The following DIP2B variants were observed in gnomAD, a reference collection of about 807,000 sequenced individuals.
The protein encoded by DIP2B is disco-interacting protein 2 homolog B.
Under a neutral mutation model 198.0 loss-of-function variants are expected in DIP2B, and 76 were observed. The observed-to-expected ratio is 0.38, with a 90% CI of 0.32 to 0.46. The LOEUF (loss-of-function observed/expected upper bound fraction) is 0.46, where lower values mean the gene tolerates loss of function less well. Among genes scored for constraint, DIP2B ranks in the 20% least tolerant of loss-of-function variants. DIP2B has a pLI of 0.99. For synonymous variants in DIP2B, 701 were observed against 739.1 expected (o/e 0.95, Z 0.84); for missense variants, 1,559 against 1,978.4 (o/e 0.79, Z 4.02).
At position 50,697,172 on chromosome 12, in the gene DIP2B, G is replaced by A. The variant is rs773387682; in HGVS notation, c.2045G>A (p.Arg682His). 8.1e-6 allele frequency: 13 copies of A among 1,613,630 alleles called. No homozygotes were observed. Among genetic ancestry groups the A allele is most frequent in the South Asian group, 3.3e-5 (3 of 91,048 alleles). Residue 682 changes from arginine (R) to histidine (H), a missense_variant, in exon 17 of 38, where the codon CGC (arginine) becomes CAC (histidine). Physicochemically the swap from Arg to His is conservative, Grantham distance 29 (BLOSUM62 0). Transcript: ENST00000301180. ...GCTGAAGCCATGACTGTAGCAATCC[G>A]CAGGTACTGTTCAGGATGTCAGATG... Reference protein sequence around the residue: ...TSAEAMTVAIRRPGVPGAPLP... With the variant: ...TSAEAMTVAIHRPGVPGAPLP...
At chr12:50,512,192 C>T (rs1958024011) in intron 1 of DIP2B, among the ~76,000 whole-genome samples, 3 of 150,644 alleles carry the variant, frequency 2.0e-5, no homozygotes, top group Admixed American at 2.0e-4. Context: ...CTGCAACCTC[C>T]ACCTCCTGGG....
intron 3 of DIP2B, among the ~76,000 whole-genome samples, chr12:50,650,225 C>T (rs983066902): frequency 2.0e-5 from 3 of 150,918 alleles, no homozygotes; most frequent in Admixed American, 2.0e-4. Context: ...AAAAAAAGTG[C>T]CAAATGAAAA....
At chr12:50,527,367 C>T (rs1354316525) in intron 1 of DIP2B, among the ~76,000 whole-genome samples, 1 of 152,170 alleles carries the variant, frequency 6.6e-6, no homozygotes, top group African/African-American at 2.4e-5. Context: ...CTACCTATAT[C>T]TAAGGTACTG....
chr12:50,603,060 A>T (rs1382932762), intron 1 of DIP2B, among the ~76,000 whole-genome samples: 1 of 150,992 alleles, frequency 6.6e-6, no homozygotes, highest in Non-Finnish European at 1.5e-5. Context: ...GCTACTCGGG[A>T]GGCTGAGGCA....
chr12:50,702,510 C>T (rs906234653), intron 19 of DIP2B, among the ~76,000 whole-genome samples: 1 of 151,730 alleles, frequency 6.6e-6, no homozygotes, highest in Non-Finnish European at 1.5e-5. Context: ...TGCAGTGAGT[C>T]GAGATTGTGC....
In DIP2B at chr12:50,685,862, G is replaced by C; in HGVS notation, c.1347G>C (p.Leu449Phe). 1 of 1,613,758 alleles carries C rather than the reference G, an allele frequency of 6.2e-7. No individual in the cohort carries two copies. The part of the protein sequence containing the change: ...KDAGGQQIGF[L>F]LGSCGIALAL... ...CTGGAGGTCAGCAGATTGGCTTCTTGCTAGGAAGCTGTGGTATTGCCTTAG... is the reference window on the plus strand; with the variant it reads ...CTGGAGGTCAGCAGATTGGCTTCTTCCTAGGAAGCTGTGGTATTGCCTTAG... Residue 449 changes from leucine to phenylalanine, a missense_variant, in exon 11 of 38, where the codon TTG (leucine) becomes TTC (phenylalanine). Leu to Phe is a conservative substitution (Grantham distance 22). Coordinates refer to ENST00000301180, the MANE Select transcript of DIP2B (RefSeq NM_173602.3).
At chr12:50,662,219 G>T (rs1213179659) in intron 4 of DIP2B, among the ~76,000 whole-genome samples, 1 of 152,138 alleles carries the variant, frequency 6.6e-6, no homozygotes, top group Non-Finnish European at 1.5e-5. Flanking sequence ...GTAATAAAAA[G>T]GTTCTGTACC....
At chr12:50,730,374 C>T (rs372383910) in intron 30 of DIP2B, among the ~76,000 whole-genome samples, 1 of 109,330 alleles carries the variant, frequency 9.1e-6, no homozygotes, top group Non-Finnish European at 2.3e-5. Context: ...CTTTCTTTCT[C>T]TCTCTCTCTT....
intron 1 of DIP2B, among the ~76,000 whole-genome samples, chr12:50,558,622 C>A (rs993371352): frequency 6.6e-6 from 1 of 152,182 alleles, no homozygotes; most frequent in African/African-American, 2.4e-5. Context: ...GAATGAATAT[C>A]TCTAATAGCC....
At chr12:50,683,670 C>G (rs2076180857) in intron 10 of DIP2B, among the ~76,000 whole-genome samples, 2 of 152,232 alleles carry the variant, frequency 1.3e-5, no homozygotes, top group South Asian at 4.1e-4. Context: ...GTGGTCCCAG[C>G]TACTCGGGAG....
At chr12:50,592,128 C>G (rs987003761) in intron 1 of DIP2B, among the ~76,000 whole-genome samples, 19 of 152,114 alleles carry the variant, frequency 1.2e-4, no homozygotes, top group African/African-American at 2.4e-4. Flanking sequence ...ATGCATCTGC[C>G]TTGGCCTCCC....
intron 1 of DIP2B, among the ~76,000 whole-genome samples, chr12:50,558,259 T>C (rs1958488299): frequency 6.6e-6 from 1 of 151,838 alleles, no homozygotes; most frequent in South Asian, 2.1e-4. Context: ...GTTCAGAAAC[T>C]TTTTAGATAT....
intron 1 of DIP2B, among the ~76,000 whole-genome samples, chr12:50,551,329 A>G (rs1958425293): frequency 6.6e-6 from 1 of 152,050 alleles, no homozygotes. Flanking sequence ...GGGCTGAGGC[A>G]GGAGGATCGC....
intron 23 of DIP2B, among the ~76,000 whole-genome samples, chr12:50,716,866 G>A (rs574420017): frequency 2.0e-4 from 29 of 148,704 alleles, no homozygotes; most frequent in South Asian, 1.1e-3. Flanking sequence ...GGGCTCCCCC[G>A]TTTATTTTGA....
intron 35 of DIP2B, among the ~76,000 whole-genome samples, 167 bp from the exon 36 acceptor site, chr12:50,739,242 G>A (rs1187489215): frequency 6.6e-6 from 1 of 152,232 alleles, no homozygotes; most frequent in African/African-American, 2.4e-5. Context: ...GATGGATGGA[G>A]ATTAGGTACA....
At chr12:50,735,012 A>C (rs374537702) in intron 33 of DIP2B, 61 bp from the exon 34 acceptor site, 627 of 1,596,440 alleles carry the variant, frequency 3.9e-4, no homozygotes, top group Non-Finnish European at 5.2e-4. Context: ...ACCGAGCTGC[A>C]GGAACATGGC....
intron 1 of DIP2B, among the ~76,000 whole-genome samples, chr12:50,529,517 G>C (rs1024946113): frequency 2.0e-5 from 3 of 152,162 alleles, no homozygotes; most frequent in African/African-American, 7.2e-5. Context: ...GAACTGTGAT[G>C]ATTTAGTCAC....
intron 1 of DIP2B, among the ~76,000 whole-genome samples, chr12:50,600,249 A>G (rs1476606350): frequency 6.6e-6 from 1 of 152,224 alleles, no homozygotes; most frequent in African/African-American, 2.4e-5. Context: ...CTCAAGTGAT[A>G]TCCAAAACCA....
intron 25 of DIP2B, among the ~76,000 whole-genome samples, chr12:50,720,150 G>A (rs560431882): frequency 3.3e-5 from 5 of 151,688 alleles, no homozygotes; most frequent in African/African-American, 7.3e-5. Flanking sequence ...GGCTGGTCTC[G>A]AACTCCTGAC....
Sources: allele counts gnomAD v4.1 joint callset (sites outside exome capture counted in the v4.1 genomes callset), GRCh38; gene constraint gnomAD v4.1.1; transcripts MANE v1.5; gene names NCBI Gene and HGNC (gene_info 2026-07-23, HGNC 2026-07-21).